The following DCC variants were observed in gnomAD, a reference collection of about 807,000 sequenced individuals.
DCC encodes DCC netrin 1 receptor.
In DCC, 58 loss-of-function variants were observed where a neutral mutation model predicts 172.5. That is an observed-to-expected ratio of 0.34 (90% CI 0.27 to 0.42). DCC has a LOEUF of 0.42. Among genes scored for constraint, DCC ranks in the 10% least tolerant of loss-of-function variants. The pLI, the probability that DCC is intolerant of heterozygous loss-of-function variation, is 1.00. For synonymous variants in DCC, 709 were observed against 644.5 expected, an observed-to-expected ratio of 1.10 and a Z score of -1.52; for missense variants, 1,740 against 1,791.0, an observed-to-expected ratio of 0.97 and a Z score of 0.51.
intron 1 of DCC, among the ~76,000 whole-genome samples, chr18:52,558,444 A>T (rs986720974): frequency 1.3e-5 from 2 of 152,114 alleles, no homozygotes; most frequent in Non-Finnish European, 2.9e-5. Flanking sequence ...ATATGCACAC[A>T]TATATTTTTC....
At position 52,486,808 on chromosome 18, in the gene DCC, A is replaced by T. The variant is rs546344421; in HGVS notation, c.91+145930A>T. Among the ~76,000 whole-genome samples, 131 of 152,270 alleles carry T rather than the reference A, an allele frequency of 8.6e-4. 1 individual carries two copies. Among genetic ancestry groups the T allele is most frequent in the African/African-American group, 3.0e-3 (126 of 41,556 alleles). On this transcript the variant is annotated intron_variant, in intron 1 of 28. Coordinates refer to ENST00000442544, the MANE Select transcript of DCC (RefSeq NM_005215.4). Reference sequence around the variant, plus strand: ...TTCTGCCCAATGACAGATGTGTGTAATTCTCATTAAAATCAGTGGCAGCTA... The same window carrying T: ...TTCTGCCCAATGACAGATGTGTGTATTTCTCATTAAAATCAGTGGCAGCTA...
intron 1 of DCC, among the ~76,000 whole-genome samples, chr18:52,746,204 A>G (rs548929808): frequency 1.1e-4 from 17 of 152,308 alleles, no homozygotes; most frequent in African/African-American, 4.1e-4. Flanking sequence ...GGTAGCATCT[A>G]TTTCTAAGAA....
intron 1 of DCC, among the ~76,000 whole-genome samples, chr18:52,413,185 G>C (rs1230592264): frequency 6.6e-6 from 1 of 151,264 alleles, no homozygotes; most frequent in Admixed American, 6.6e-5. Flanking sequence ...CAGATGATTA[G>C]TAAGAAAATT....
chr18:52,370,523 T>C (rs559720835), intron 1 of DCC, among the ~76,000 whole-genome samples: 1 of 151,960 alleles, frequency 6.6e-6, no homozygotes, highest in Non-Finnish European at 1.5e-5. Flanking sequence ...TGAGAACACA[T>C]GGACACATTG....
chr18:53,281,714 G>C (rs1229220783), intron 12 of DCC, among the ~76,000 whole-genome samples: 1 of 151,760 alleles, frequency 6.6e-6, no homozygotes, highest in African/African-American at 2.4e-5. Context: ...AATTGGCCTA[G>C]GTGGAAGTAT....
At chr18:52,889,668 CATTT>C (rs1334384586) in intron 2 of DCC, among the ~76,000 whole-genome samples, 1 of 152,042 alleles carries the variant, frequency 6.6e-6, no homozygotes, top group East Asian at 1.9e-4. Context: ...GCTTACAAAA[CATTT>C]ATTAGTTGTT....
chr18:53,102,088 A>G (rs1197315014), intron 7 of DCC, among the ~76,000 whole-genome samples: 2 of 152,126 alleles, frequency 1.3e-5, no homozygotes, highest in Non-Finnish European at 2.9e-5. Flanking sequence ...AGTAGAGGCC[A>G]TGCTCATTAC....
At chr18:53,244,751 G>A (rs989383410) in intron 12 of DCC, among the ~76,000 whole-genome samples, 1 of 151,994 alleles carries the variant, frequency 6.6e-6, no homozygotes, top group African/African-American at 2.4e-5. Context: ...CAAAGCTATG[G>A]TTCATTGGGG....
At chr18:53,339,640 G>A in intron 14 of DCC, 73 bp from the exon 15 acceptor site, 7 of 1,124,692 alleles carry the variant, frequency 6.2e-6, no homozygotes, top group Non-Finnish European at 8.2e-6. Context: ...GATTTCTCTT[G>A]CTTAAATGGT....
intron 15 of DCC, among the ~76,000 whole-genome samples, chr18:53,342,589 A>C (rs1296832945): frequency 2.0e-5 from 3 of 150,948 alleles, no homozygotes; most frequent in Non-Finnish European, 4.4e-5. Flanking sequence ...TATTTGTTTA[A>C]TAAAGTATAT....
At chr18:52,749,166 T>C (rs2145127643) in intron 1 of DCC, among the ~76,000 whole-genome samples, 1 of 151,892 alleles carries the variant, frequency 6.6e-6, no homozygotes, top group African/African-American at 2.4e-5. Context: ...CACTCCAGCC[T>C]GGGAGACAGA....
chr18:53,364,748 C>T (rs72927278), intron 15 of DCC, among the ~76,000 whole-genome samples: 19,701 of 151,996 alleles, frequency 0.13, 1,406 homozygotes, highest in East Asian at 0.21. Flanking sequence ...CCTGGCTTTC[C>T]ACATACATTA....
intron 15 of DCC, among the ~76,000 whole-genome samples, chr18:53,371,808 C>T (rs534044635): frequency 6.1e-4 from 92 of 151,802 alleles, no homozygotes; most frequent in South Asian, 3.5e-3. Flanking sequence ...GCAAATAATA[C>T]GAACAACGCT....
intron 5 of DCC, among the ~76,000 whole-genome samples, chr18:53,049,076 T>C (rs952926998): frequency 4.6e-5 from 7 of 152,122 alleles, no homozygotes; most frequent in African/African-American, 1.7e-4. Flanking sequence ...AGATTCTGGA[T>C]ATTATGCCTT....
intron 1 of DCC, among the ~76,000 whole-genome samples, chr18:52,519,206 C>T (rs745365945): frequency 4.6e-5 from 7 of 152,140 alleles, no homozygotes; most frequent in African/African-American, 1.7e-4. Flanking sequence ...CTTGTATTCA[C>T]GTGTGCCTTT....
intron 1 of DCC, among the ~76,000 whole-genome samples, chr18:52,541,028 C>A (rs551254587): frequency 6.6e-6 from 1 of 152,156 alleles, no homozygotes; most frequent in Non-Finnish European, 1.5e-5. Flanking sequence ...TCCTAAAAGT[C>A]TTCTCAAAGT....
At chr18:53,071,669 T>C (rs1018588482) in intron 7 of DCC, among the ~76,000 whole-genome samples, 2 of 152,236 alleles carry the variant, frequency 1.3e-5, no homozygotes, top group Non-Finnish European at 2.9e-5. Context: ...GTGTATTGTT[T>C]ATTAATCTCT....
intron 7 of DCC, among the ~76,000 whole-genome samples, chr18:53,140,758 T>C (rs1192682185): frequency 2.0e-5 from 3 of 151,948 alleles, no homozygotes; most frequent in Non-Finnish European, 2.9e-5. Context: ...TGTGGTAATA[T>C]AGGAGGTTTG....
Position 53,429,097 on chromosome 18 carries a change from TTATATATAA to T in DCC, c.3164-6038_3164-6030del, listed in dbSNP as rs1911420044. 2.1e-5 allele frequency among the ~76,000 whole-genome samples: 2 copies of T among 93,656 alleles called. 1 individual carries two copies. The highest frequency in any genetic ancestry group is 6.9e-5 in the African/African-American group (2 of 29,086). The allele number at this position is 93,656 out of a possible 152,430, so 61.4% of individuals were successfully genotyped here. ...ATATATATTTTATATAATATATATT[TTATATATAA>T]TATATATATTTTATATATATATAAA... is the stretch of plus-strand genomic sequence containing the variant. On this transcript the variant is annotated intron_variant, in intron 21 of 28. Coordinates refer to ENST00000442544, the MANE Select transcript of DCC (RefSeq NM_005215.4).
Sources: allele counts gnomAD v4.1 joint callset (sites outside exome capture counted in the v4.1 genomes callset), GRCh38; gene constraint gnomAD v4.1.1; transcripts MANE v1.5; gene names NCBI Gene and HGNC (gene_info 2026-07-23, HGNC 2026-07-21).